PLAAT1: variants seen among roughly 807,000 people sequenced by gnomAD.
PLAAT1 encodes the protein phospholipase A and acyltransferase 1, also known as H-REV107 protein-related protein.
A neutral mutation model predicts 16.4 loss-of-function variants in PLAAT1; 13 were observed. The ratio of observed to expected loss-of-function variants is 0.79; its 90% CI spans 0.52 to 1.26. The LOEUF (loss-of-function observed/expected upper bound fraction) is 1.26, where lower values mean the gene tolerates loss of function less well. Among genes scored for constraint, PLAAT1 ranks in the 50% most tolerant of loss-of-function variants. PLAAT1 has a pLI of 0.00. For synonymous variants in PLAAT1, 73 were observed against 78.4 expected (o/e 0.93, Z 0.36); for missense variants, 218 against 207.8 (o/e 1.05, Z -0.30).
At position 193,250,754 on chromosome 3, in the gene PLAAT1, T is replaced by C. The variant is rs143960683; in HGVS notation, c.1-4897T>C. On this transcript the variant is annotated intron_variant, in intron 1 of 3. Transcript: ENST00000264735. ...GGGAGAAACTTCTGGTCTAGAGTTA[T>C]TACTAAAGCAAGCCATAGGGGAAGG... Among the ~76,000 whole-genome samples, 750 of 152,278 alleles carry C rather than the reference T, an allele frequency of 4.9e-3. 7 individuals are homozygous for C. Among genetic ancestry groups the C allele is most frequent in the African/African-American group, 0.017 (715 of 41,560 alleles).
chr3:193,250,474 C>T (rs1212179809), intron 1 of PLAAT1, among the ~76,000 whole-genome samples: 1 of 152,154 alleles, frequency 6.6e-6, no homozygotes, highest in Admixed American at 6.5e-5. Flanking sequence ...TGCTGCTGAA[C>T]ATTTTCAAGT....
At chr3:193,254,522 T>C (rs1716305687) in intron 1 of PLAAT1, among the ~76,000 whole-genome samples, 2 of 152,198 alleles carry the variant, frequency 1.3e-5, no homozygotes, top group South Asian at 4.1e-4. Context: ...CATAATCTCC[T>C]CTTGCTGAGT....
At chr3:193,255,516 G>T (rs558082707) in intron 1 of PLAAT1, 135 bp from the exon 2 acceptor site, 3 of 787,128 alleles carry the variant, frequency 3.8e-6, no homozygotes, top group Non-Finnish European at 5.8e-6. Context: ...AAAAGGACAG[G>T]GTCGTGATTC....
chr3:193,243,319 A>T (rs970035559), intron 1 of PLAAT1, among the ~76,000 whole-genome samples: 6 of 140,898 alleles, frequency 4.3e-5, no homozygotes, highest in Non-Finnish European at 9.6e-5. Flanking sequence ...AAATTGGTAG[A>T]TGTGGTCCAT....
chr3:193,261,952 A>G (rs200423810), intron 2 of PLAAT1, among the ~76,000 whole-genome samples: 147 of 150,972 alleles, frequency 9.7e-4, no homozygotes, highest in Non-Finnish European at 1.8e-3. Flanking sequence ...ATTCCGTGAG[A>G]AGGAGGACAG....
intron 2 of PLAAT1, among the ~76,000 whole-genome samples, chr3:193,259,267 C>T (rs1377403060): frequency 6.6e-6 from 1 of 152,098 alleles, no homozygotes; most frequent in African/African-American, 2.4e-5. Context: ...TTATGAGACA[C>T]CCACAGCCAA....
chr3:193,259,119 A>G lies in PLAAT1; in HGVS notation c.139+3330A>G, dbSNP rs146162837. ...ATACACAAATCCATAAATATGATTC[A>G]CCACATAAACCAAGTGAAAACCAAA... is the stretch of plus-strand genomic sequence containing the variant. On this transcript the variant is annotated intron_variant, in intron 2 of 3. Transcript: ENST00000264735. 4.5e-3 allele frequency among the ~76,000 whole-genome samples: 679 copies of G among 152,300 alleles called. 6 individuals carry two copies. The highest frequency in any genetic ancestry group is 0.015 in the African/African-American group (641 of 41,572).
intron 2 of PLAAT1, 125 bp downstream of exon 2, chr3:193,255,914 C>A: frequency 1.1e-6 from 1 of 869,688 alleles, no homozygotes; most frequent in Non-Finnish European, 1.6e-6. Flanking sequence ...ATAAATCCAA[C>A]TAATCTAGGT....
At chr3:193,252,631 C>G (rs922816827) in intron 1 of PLAAT1, among the ~76,000 whole-genome samples, 1 of 151,988 alleles carries the variant, frequency 6.6e-6, no homozygotes, top group Non-Finnish European at 1.5e-5. Context: ...CTTTGTCTAC[C>G]CTAGACCCTA....
intron 1 of PLAAT1, among the ~76,000 whole-genome samples, 199 bp from the exon 2 acceptor site, chr3:193,255,452 A>T (rs1298334061): frequency 2.0e-5 from 3 of 152,180 alleles, no homozygotes; most frequent in Non-Finnish European, 4.4e-5. Context: ...TACAAGACAA[A>T]TTATTTCTCT....
At chr3:193,243,397 T>G (rs1414953965) in intron 1 of PLAAT1, among the ~76,000 whole-genome samples, 3 of 152,176 alleles carry the variant, frequency 2.0e-5, no homozygotes, top group African/African-American at 7.2e-5. Context: ...ACCTTAGAGA[T>G]ATTCTAACCT....
chr3:193,242,379 A>G (rs1196424329), intron 1 of PLAAT1, among the ~76,000 whole-genome samples: 5 of 152,092 alleles, frequency 3.3e-5, no homozygotes, highest in South Asian at 2.1e-4. Flanking sequence ...GAGGAAGACA[A>G]TCCGACCTGG....
chr3:193,242,226 A>G (rs1715791097), intron 1 of PLAAT1, among the ~76,000 whole-genome samples: 1 of 151,774 alleles, frequency 6.6e-6, no homozygotes, highest in Admixed American at 6.6e-5. Context: ...GATCGGACGC[A>G]TGGTATAGAG....
downstream of PLAAT1, among the ~76,000 whole-genome samples, chr3:193,278,637 A>G (rs1717336407): frequency 6.6e-6 from 1 of 152,186 alleles, no homozygotes. Flanking sequence ...TATTCTTTTG[A>G]ACCCAGGTCA....
At chr3:193,272,424 G>A (rs1239250658), downstream of PLAAT1, among the ~76,000 whole-genome samples, 2 of 151,804 alleles carry the variant, frequency 1.3e-5, no homozygotes, top group Admixed American at 6.6e-5. Flanking sequence ...CCTGGGCGAC[G>A]ACAGAGCGAG....
chr3:193,258,265 G>A (rs1488733467), intron 2 of PLAAT1, among the ~76,000 whole-genome samples: 1 of 152,088 alleles, frequency 6.6e-6, no homozygotes, highest in Non-Finnish European at 1.5e-5. Flanking sequence ...CTAAATCAAT[G>A]TTAAAAGGAA....
exon 3 of PLAAT1, chr3:193,277,722 G>C (rs1717288496): frequency 6.6e-6 from 1 of 152,240 alleles, no homozygotes; most frequent in South Asian, 2.1e-4. Flanking sequence ...AGCTGGGTCA[G>C]ATTCTAGCAG....
chr3:193,244,787 G>C (rs542043278), intron 1 of PLAAT1, among the ~76,000 whole-genome samples: 1 of 152,114 alleles, frequency 6.6e-6, no homozygotes, highest in South Asian at 2.1e-4. Context: ...GCTAGCTTAG[G>C]TCTCTCTTCC....
At chr3:193,261,970 G>A (rs773913038) in intron 2 of PLAAT1, among the ~76,000 whole-genome samples, 1 of 152,162 alleles carries the variant, frequency 6.6e-6, no homozygotes, top group Non-Finnish European at 1.5e-5. Context: ...CAGACAGAAG[G>A]ATAGTGGAAA....
Sources: gnomAD v4.1 joint callset for allele counts (sites outside exome capture counted in the v4.1 genomes callset) on GRCh38, gnomAD v4.1.1 for gene constraint, MANE v1.5 for transcripts, NCBI Gene and HGNC (gene_info 2026-07-23, HGNC 2026-07-21) for gene names.